Variants in HECW1 observed in about 807,000 individuals in gnomAD.
HECW1 encodes HECT, C2 and WW domain containing E3 ubiquitin protein ligase 1.
A neutral mutation model predicts 182.3 loss-of-function variants in HECW1; 61 were observed. That is an observed-to-expected ratio of 0.33 (90% CI 0.27 to 0.41). The LOEUF is 0.41. Among genes scored for constraint, HECW1 ranks in the 10% least tolerant of loss-of-function variants. The pLI is 1.00. For missense variants in HECW1, 1,739 were observed against 2,108.9 expected (o/e 0.82, Z 3.44); for synonymous variants, 859 against 832.6 (o/e 1.03, Z -0.55).
At chr7:43,526,642 G>C (rs1039413970) in intron 24 of HECW1, among the ~76,000 whole-genome samples, 1 of 152,252 alleles carries the variant, frequency 6.6e-6, no homozygotes, top group East Asian at 1.9e-4. Flanking sequence ...TGTATTCTCT[G>C]GTCTGTGCAG....
At chr7:43,267,256 C>G (rs1013013125) in intron 3 of HECW1, among the ~76,000 whole-genome samples, 1 of 151,850 alleles carries the variant, frequency 6.6e-6, no homozygotes, top group Non-Finnish European at 1.5e-5. Context: ...CAATAAATTT[C>G]AAAAAGGAGA....
chr7:43,427,304 T>A (rs1480662833), intron 8 of HECW1, among the ~76,000 whole-genome samples: 2 of 152,142 alleles, frequency 1.3e-5, no homozygotes, highest in African/African-American at 2.4e-5. Context: ...CTGCATACTA[T>A]CTTGCAAATT....
Position 43,360,952 on chromosome 7 carries a change from G to A in HECW1, c.527G>A (p.Ser176Asn). Residue 176 changes from serine (S) to asparagine (N), a missense_variant, in exon 6 of 30, where the codon AGT becomes AAT. Physicochemically the swap from Ser to Asn is conservative, Grantham distance 46. Coordinates refer to ENST00000395891, the MANE Select transcript of HECW1 (RefSeq NM_015052.5). ...GGGGCCCTGCGAGCAACCACCCCCA[G>A]TGTCACGGTCAAAAACTCGGCAGCT... ...VSGALRATTP[S>N]VTVKNSAAPI... 6.2e-7 allele frequency: 1 copy of A among 1,612,948 alleles called. No individual in the cohort carries two copies.
chr7:43,388,081 A>T (rs528119815), intron 6 of HECW1, among the ~76,000 whole-genome samples: 1 of 152,342 alleles, frequency 6.6e-6, no homozygotes, highest in Admixed American at 6.5e-5. Flanking sequence ...TGATTGCCTC[A>T]CCCTAACACA....
rs776676617 is a variant in HECW1 at position 43,445,161 on chromosome 7, G to A, written c.1989G>A (p.Arg663=). 1.2e-6 allele frequency: 2 copies of A among 1,611,078 alleles called. No homozygotes were observed. Among genetic ancestry groups the A allele is most frequent in the Admixed American group, 1.7e-5 (1 of 59,972 alleles). Residue 663 remains arginine (R), a synonymous_variant, in exon 11 of 30, where the codon AGG becomes AGA. Transcript: ENST00000395891. ...STGSESDSSP[R]QGGDHSCEGC... is the part of the protein sequence containing the mutation. ...GGAGCGAGAGCGACTCCAGCCCCAG[G>A]CAAGGCGGGGACCACAGTTGCGAGG...
At chr7:43,346,382 C>A (rs572180494) in intron 5 of HECW1, among the ~76,000 whole-genome samples, 2 of 152,052 alleles carry the variant, frequency 1.3e-5, no homozygotes, top group Non-Finnish European at 2.9e-5. Context: ...GTTGTAGATT[C>A]TGGCTATTAG....
At chr7:43,271,206 G>A (rs1224073632) in intron 3 of HECW1, among the ~76,000 whole-genome samples, 1 of 152,138 alleles carries the variant, frequency 6.6e-6, no homozygotes, top group South Asian at 2.1e-4. Context: ...GTGGATGTAT[G>A]TACATCCACA....
At chr7:43,474,776 A>G (rs528158632) in intron 16 of HECW1, among the ~76,000 whole-genome samples, 4 of 152,344 alleles carry the variant, frequency 2.6e-5, no homozygotes, top group African/African-American at 7.2e-5. Flanking sequence ...AAAATGTGGT[A>G]TATACCTGCA....
chr7:43,283,009 T>G (rs1156698282), intron 3 of HECW1, among the ~76,000 whole-genome samples: 2 of 151,930 alleles, frequency 1.3e-5, no homozygotes, highest in Admixed American at 6.6e-5. Flanking sequence ...TCCCAGCTAC[T>G]CGGGAGGCTG....
chr7:43,286,420 C>T (rs147839678), intron 3 of HECW1, among the ~76,000 whole-genome samples: 348 of 152,226 alleles, frequency 2.3e-3, no homozygotes, highest in African/African-American at 2.6e-3. Context: ...CAACCAGGAT[C>T]GCTGACTTCT....
chr7:43,507,324 C>T, intron 22 of HECW1, 67 bp downstream of exon 22: 1 of 1,487,366 alleles, frequency 6.7e-7, no homozygotes, highest in Non-Finnish European at 9.2e-7. Flanking sequence ...TCCCCTACAC[C>T]CTTGTAATAT....
At position 43,200,010 on chromosome 7, in the gene HECW1, G is replaced by A. The variant is rs1332911516; in HGVS notation, c.-31-43865G>A. On this transcript the variant is annotated intron_variant, in intron 2 of 29. Coordinates refer to ENST00000395891, the MANE Select transcript of HECW1 (RefSeq NM_015052.5). ...GGAATGGAAGAAGTCACTAAGCGTC[G>A]CTCAATTTTTATAAATCCTTTTAGG... is the stretch of plus-strand genomic sequence containing the variant. Among the ~76,000 whole-genome samples the A allele has an allele frequency of 8.5e-5, 13 of 152,240 alleles. No individual in the cohort carries two copies. The East Asian group carries it at 1.2e-3, about 14-fold the overall frequency.
intron 24 of HECW1, among the ~76,000 whole-genome samples, chr7:43,517,011 G>A (rs115435932): frequency 1.8e-3 from 281 of 152,318 alleles, no homozygotes; most frequent in African/African-American, 6.5e-3. Flanking sequence ...TGAGACCGCC[G>A]TTGTATATGT....
At chr7:43,465,802 G>A (rs746497734) in intron 14 of HECW1, among the ~76,000 whole-genome samples, 13 of 152,110 alleles carry the variant, frequency 8.5e-5, no homozygotes, top group Non-Finnish European at 1.5e-4. Flanking sequence ...GAGTATCTGG[G>A]AGGATGGCTT....
intron 5 of HECW1, among the ~76,000 whole-genome samples, chr7:43,349,955 G>T (rs1814200238): frequency 6.6e-6 from 1 of 152,032 alleles, no homozygotes; most frequent in African/African-American, 2.4e-5. Flanking sequence ...TGTTTTATAG[G>T]TCCTGTGTGA....
intron 2 of HECW1, among the ~76,000 whole-genome samples, chr7:43,150,001 T>C (rs1182167254): frequency 6.6e-6 from 1 of 152,160 alleles, no homozygotes; most frequent in Non-Finnish European, 1.5e-5. Flanking sequence ...TTATTTTGGG[T>C]TTGTCTAATA....
chr7:43,114,266 C>G lies in HECW1; in HGVS notation c.-157C>G, dbSNP rs950160061. 7.3e-7 allele frequency: 1 copy of G among 1,364,034 alleles called. No individual in the cohort carries two copies. The highest frequency in any genetic ancestry group is 1.2e-5 in the South Asian group (1 of 81,612). The allele number at this position is 1,364,034 out of a possible 1,614,324, so 84.5% of individuals were successfully genotyped here. On this transcript the variant is annotated 5_prime_UTR_variant, in exon 2 of 30. Coordinates refer to ENST00000395891, the MANE Select transcript of HECW1 (RefSeq NM_015052.5). ...GGGATTTAAACGCGATTTAGGAGGG[C>G]AGATGCCCTACCCGAAAAGGCCAAC...
chr7:43,125,260 G>T (rs187843492), intron 2 of HECW1, among the ~76,000 whole-genome samples: 1 of 152,262 alleles, frequency 6.6e-6, no homozygotes. Flanking sequence ...GCGAATTTGA[G>T]GGGTGCAAAC....
chr7:43,556,695 AT>A (rs1462089411), intron 29 of HECW1, among the ~76,000 whole-genome samples: 1 of 123,844 alleles, frequency 8.1e-6, no homozygotes. Context: ...CTCAAATTAA[AT>A]TAAAAAAAAA....
Sources: gnomAD v4.1 joint callset for allele counts (sites outside exome capture counted in the v4.1 genomes callset) on GRCh38, gnomAD v4.1.1 for gene constraint, MANE v1.5 for transcripts, NCBI Gene and HGNC (gene_info 2026-07-23, HGNC 2026-07-21) for gene names.